Variants in ATXN2 observed in about 807,000 individuals in gnomAD.
The protein encoded by ATXN2 is ataxin 2.
Under a neutral mutation model 138.6 loss-of-function variants are expected in ATXN2, and 37 were observed. The ratio of observed to expected loss-of-function variants is 0.27; its 90% CI spans 0.21 to 0.35. The LOEUF (loss-of-function observed/expected upper bound fraction) is 0.35, where lower values mean the gene tolerates loss of function less well. ATXN2 is among the 10% of genes least tolerant of loss of function. The pLI is 1.00. For missense variants in ATXN2, 1,216 were observed against 1,480.3 expected (o/e 0.82, Z 2.93); for synonymous variants, 549 against 543.7 (o/e 1.01, Z -0.13).
intron 1 of ATXN2, among the ~76,000 whole-genome samples, chr12:111,557,390 T>C (rs1189367910): frequency 1.3e-5 from 2 of 152,230 alleles, no homozygotes; most frequent in Non-Finnish European, 2.9e-5. Context: ...AAATGACATC[T>C]AGGATTCCTT....
intron 1 of ATXN2, among the ~76,000 whole-genome samples, chr12:111,577,427 G>A (rs570475979): frequency 1.7e-3 from 258 of 151,716 alleles, no homozygotes; most frequent in African/African-American, 6.1e-3. Flanking sequence ...CACCACACCC[G>A]GTTAATTTTT....
intron 1 of ATXN2, among the ~76,000 whole-genome samples, chr12:111,592,785 A>AAAAAAAAAAAAAAAAAAAAG: frequency 7.3e-6 from 1 of 137,852 alleles, no homozygotes; most frequent in Admixed American, 7.2e-5. Context: ...TCCGTCTCAA[A>AAAAAAAAAAAAAAAAAAAAG]AAAAAAAAAA....
chr12:111,525,136 G>A (rs770886135), intron 6 of ATXN2, 56 bp downstream of exon 6: 2 of 1,534,704 alleles, frequency 1.3e-6, no homozygotes, highest in Non-Finnish European at 1.7e-6. Context: ...TTACAACCAA[G>A]TGACAGGATG....
chr12:111,494,812 C>T (rs994893534), intron 14 of ATXN2, among the ~76,000 whole-genome samples: 3 of 151,472 alleles, frequency 2.0e-5, no homozygotes, highest in Admixed American at 6.6e-5. Flanking sequence ...GAGAAAATCA[C>T]TTTCAAAACA....
chr12:111,567,290 A>G (rs1883063468), intron 1 of ATXN2, among the ~76,000 whole-genome samples: 3 of 151,766 alleles, frequency 2.0e-5, no homozygotes, highest in African/African-American at 7.3e-5. Flanking sequence ...TCACGAAGCC[A>G]GGAGTTCAAG....
Position 111,516,574 on chromosome 12 carries a change from A to C in ATXN2, c.1166-211T>G, listed in dbSNP as rs1879867986. On this transcript the variant is annotated intron_variant, in intron 9 of 24. Transcript: ENST00000673436. This position sits in a 1 kb window ranked among gnomAD's most constrained non-coding sequence, Gnocchi z 5.0. ...AACCTCCTTAAGATTAAGTCTGTTT[A>C]AATGAATACACGTTCCCAAAGGGTT... Among the ~76,000 whole-genome samples, 1 of 152,246 alleles carries C rather than the reference A, an allele frequency of 6.6e-6. No individual in the cohort carries two copies. Among genetic ancestry groups the C allele is most frequent in the African/African-American group, 2.4e-5 (1 of 41,476 alleles).
intron 1 of ATXN2, among the ~76,000 whole-genome samples, chr12:111,565,186 T>C (rs948593145): frequency 6.6e-6 from 1 of 152,184 alleles, no homozygotes; most frequent in Non-Finnish European, 1.5e-5. Context: ...CGTATTTTAC[T>C]AGTGTACATG....
chr12:111,530,259 C>T (rs542097948), intron 5 of ATXN2, among the ~76,000 whole-genome samples: 1 of 152,338 alleles, frequency 6.6e-6, no homozygotes, highest in African/African-American at 2.4e-5. Flanking sequence ...TTGACTGATA[C>T]AATTCCCAGC....
rs2135647341 is a variant in ATXN2, at chr12:111,456,069, G to A, written c.3230C>T (p.Pro1077Leu). ...CATGTGGGGTGGGTTGGTATACGCC[G>A]GCTGAACGTGAGAAGGATGGATCGT... The part of the protein sequence containing the change: ...VFTIHPSHVQ[P>L]AYTNPPHMAH... Residue 1077 changes from proline (P) to leucine (L), a missense_variant, in exon 23 of 25, where the codon CCG (proline) becomes CTG (leucine). Transcript: ENST00000673436. 8 of 1,614,186 alleles carry A rather than the reference G, an allele frequency of 5.0e-6. No homozygotes were observed. Among genetic ancestry groups the A allele is most frequent in the South Asian group, 1.1e-5 (1 of 91,080 alleles).
At chr12:111,466,761 T>C (rs1351942804) in intron 20 of ATXN2, among the ~76,000 whole-genome samples, 1 of 152,142 alleles carries the variant, frequency 6.6e-6, no homozygotes, top group Non-Finnish European at 1.5e-5. Flanking sequence ...TGAGAAAAGG[T>C]GACATAAAAT....
chr12:111,552,309 T>C lies in ATXN2; in HGVS notation c.542A>G (p.Lys181Arg), dbSNP rs1167005384. 1.2e-6 allele frequency: 2 copies of C among 1,610,870 alleles called. No homozygotes were observed. Among genetic ancestry groups the C allele is most frequent in the African/African-American group, 2.7e-5 (2 of 74,634 alleles). Reference sequence around the variant, plus strand: ...TTTTGCATAACTGGAGTCCATATCTTTAAACTGTACCACAACAAAGTCTGA... The same window carrying C: ...TTTTGCATAACTGGAGTCCATATCTCTAAACTGTACCACAACAAAGTCTGA... ...KCSDFVVVQF[K>R]DMDSSYAKRD... The change falls in exon 5 of 25, where the codon AAA (lysine) becomes AGA (arginine). Residue 181 changes from lysine (K) to arginine (R), a missense_variant. By Grantham distance (26) the Lys-to-Arg change is conservative. Coordinates refer to ENST00000673436, the MANE Select transcript of ATXN2 (RefSeq NM_001372574.1). The surrounding 1 kb of genome is among the most constrained non-coding windows in gnomAD (Gnocchi z 4.1).
chr12:111,590,372 C>T (rs777340689), intron 1 of ATXN2, among the ~76,000 whole-genome samples: 3 of 152,070 alleles, frequency 2.0e-5, no homozygotes, highest in Non-Finnish European at 4.4e-5. Flanking sequence ...CAAGTACTGT[C>T]CGTGACTGTA....
At chr12:111,533,694 T>A (rs966338844) in intron 5 of ATXN2, among the ~76,000 whole-genome samples, 1 of 152,114 alleles carries the variant, frequency 6.6e-6, no homozygotes, top group Non-Finnish European at 1.5e-5. Context: ...GCCAGCTAAT[T>A]TTTTGTACTT....
chr12:111,582,304 G>C (rs1884048853), intron 1 of ATXN2, among the ~76,000 whole-genome samples: 1 of 151,242 alleles, frequency 6.6e-6, no homozygotes, highest in Non-Finnish European at 1.5e-5. Flanking sequence ...AATTAACCAG[G>C]CATGATGGCA....
intron 1 of ATXN2, among the ~76,000 whole-genome samples, chr12:111,571,572 AAGG>A (rs1021514405): frequency 3.3e-5 from 5 of 152,284 alleles, no homozygotes; most frequent in African/African-American, 9.6e-5. Flanking sequence ...AGCAGTGAGG[AAGG>A]AGACCATCTT....
intron 14 of ATXN2, among the ~76,000 whole-genome samples, chr12:111,503,995 A>C (rs180855184): frequency 6.6e-6 from 1 of 152,232 alleles, no homozygotes; most frequent in Non-Finnish European, 1.5e-5. Context: ...TCAGGCACCT[A>C]AAAGTAGTAA....
At chr12:111,553,340 C>A (rs1298804720) in intron 3 of ATXN2, among the ~76,000 whole-genome samples, 2 of 151,958 alleles carry the variant, frequency 1.3e-5, no homozygotes, top group Non-Finnish European at 2.9e-5. Flanking sequence ...GGTTCCAGGA[C>A]CTCCTTCAGA....
chr12:111,529,794 GGGCCAGAATAAT>G (rs1880712451), intron 5 of ATXN2, among the ~76,000 whole-genome samples: 1 of 152,128 alleles, frequency 6.6e-6, no homozygotes, highest in African/African-American at 2.4e-5. Flanking sequence ...ATTTTTTAAA[GGGCCAGAATAAT>G]GGTCAAATAA....
chr12:111,466,202 A>T (rs979297807), intron 20 of ATXN2, among the ~76,000 whole-genome samples: 2 of 137,686 alleles, frequency 1.5e-5, no homozygotes, highest in Non-Finnish European at 3.2e-5. Context: ...AATAAAAAAT[A>T]AAAAAAAAAA....
Sources: gnomAD v4.1 joint callset for allele counts (sites outside exome capture counted in the v4.1 genomes callset) on GRCh38, gnomAD v4.1.1 for gene constraint, Gnocchi (gnomAD v3.1) non-coding constraint, MANE v1.5 for transcripts, NCBI Gene and HGNC (gene_info 2026-07-23, HGNC 2026-07-21) for gene names.